Variants in RAB38 observed in about 807,000 individuals in gnomAD.
The protein encoded by RAB38 is RAB38, member RAS oncogene family, also known as ras-related protein Rab-38.
RAB38 carries 15 observed loss-of-function variants against 18.4 expected under a neutral mutation model. That is an observed-to-expected ratio of 0.82 (90% CI 0.55 to 1.26). RAB38 has a LOEUF of 1.26. RAB38 is among the 50% of genes most tolerant of loss of function. RAB38 has a pLI of 0.00. For missense variants in RAB38, 294 were observed against 267.4 expected (o/e 1.10, Z -0.69); for synonymous variants, 101 against 104.4 (o/e 0.97, Z 0.20).
rs756730383 is a variant in RAB38 at position 88,149,725 on chromosome 11, G to T, written c.433C>A (p.Gln145Lys). 6.2e-7 allele frequency: 1 copy of T among 1,614,118 alleles called. No homozygotes were observed. The highest frequency in any genetic ancestry group is 1.3e-5 in the African/African-American group (1 of 75,032). ...VLMNNGLKMD[Q>K]FCKEHGFVGW... ...ACGAAACCGTGCTCCTTGCAGAACT[G>T]GTCCATCTTGAGGCCATTGTTCATG... The change falls in exon 2 of 3, where the codon CAG (glutamine) becomes AAG (lysine). Residue 145 changes from glutamine to lysine, a missense_variant. Transcript: ENST00000243662.
chr11:88,025,475 T>C, the RAB38 span, among the ~76,000 whole-genome samples: 1 of 152,220 alleles, frequency 6.6e-6, no homozygotes, highest in African/African-American at 2.4e-5. Flanking sequence ...CCACAGTGGC[T>C]GAACTCATTT....
At chr11:88,051,415 C>T in the RAB38 span, among the ~76,000 whole-genome samples, 2 of 151,846 alleles carry the variant, frequency 1.3e-5, no homozygotes, top group Non-Finnish European at 2.9e-5. Context: ...CACCTAGGTC[C>T]ACCATACTAG....
chr11:87,894,377 C>T, the RAB38 span, among the ~76,000 whole-genome samples: 1 of 151,530 alleles, frequency 6.6e-6, no homozygotes. Flanking sequence ...ACTATAGTAG[C>T]CTTTTTAAGG....
chr11:88,079,835 A>T, the RAB38 span, among the ~76,000 whole-genome samples: 1 of 151,768 alleles, frequency 6.6e-6, no homozygotes, highest in African/African-American at 2.4e-5. Context: ...CATTTGAAAG[A>T]ATTGAATTCT....
At chr11:88,168,502 A>C (rs1591180197) in intron 1 of RAB38, among the ~76,000 whole-genome samples, 2 of 152,116 alleles carry the variant, frequency 1.3e-5, no homozygotes. Flanking sequence ...TGACTAAATA[A>C]TTATTTTGAA....
chr11:87,845,933 T>G, the RAB38 span, among the ~76,000 whole-genome samples: 1 of 152,084 alleles, frequency 6.6e-6, no homozygotes, highest in Non-Finnish European at 1.5e-5. Context: ...AATGCAAATA[T>G]CCTTCAGTAT....
chr11:87,935,609 T>G, the RAB38 span, among the ~76,000 whole-genome samples: 2 of 152,166 alleles, frequency 1.3e-5, no homozygotes, highest in African/African-American at 4.8e-5. Context: ...AGGTCCAGTG[T>G]AGCCTTACTG....
chr11:88,053,035 A>AAT, the RAB38 span, among the ~76,000 whole-genome samples: 1 of 44,864 alleles, frequency 2.2e-5, no homozygotes, highest in East Asian at 4.3e-4. Flanking sequence ...GAATATATAT[A>AAT]ATATATACAT....
At chr11:88,070,357 C>T in the RAB38 span, among the ~76,000 whole-genome samples, 905 of 152,250 alleles carry the variant, frequency 5.9e-3, 10 homozygotes, top group African/African-American at 0.021. Context: ...ACTCTGAACA[C>T]GTTTGAACAT....
At chr11:88,130,838 T>A (rs1338824159) in intron 2 of RAB38, among the ~76,000 whole-genome samples, 1 of 152,200 alleles carries the variant, frequency 6.6e-6, no homozygotes, top group African/African-American at 2.4e-5. Flanking sequence ...CTTATCAAAT[T>A]TTTGTTAGAC....
chr11:88,118,248 G>C (rs941460280), intron 2 of RAB38, among the ~76,000 whole-genome samples: 1 of 152,244 alleles, frequency 6.6e-6, no homozygotes, highest in African/African-American at 2.4e-5. Flanking sequence ...AGGCTGATTT[G>C]TATTACTGGC....
At chr11:88,134,232 A>T (rs1942803851) in intron 2 of RAB38, among the ~76,000 whole-genome samples, 1 of 151,834 alleles carries the variant, frequency 6.6e-6, no homozygotes, top group African/African-American at 2.4e-5. Context: ...AAAACTGCCA[A>T]CTCTATTTAT....
the RAB38 span, among the ~76,000 whole-genome samples, chr11:87,939,058 G>A: frequency 6.6e-6 from 1 of 151,874 alleles, no homozygotes; most frequent in African/African-American, 2.4e-5. Context: ...TAGAGTATTT[G>A]GCATTGCTTT....
At chr11:87,853,555 C>CA in the RAB38 span, among the ~76,000 whole-genome samples, 1 of 152,172 alleles carries the variant, frequency 6.6e-6, no homozygotes, top group African/African-American at 2.4e-5. Flanking sequence ...TGTTATGGGA[C>CA]AGCCCAAGCT....
the RAB38 span, among the ~76,000 whole-genome samples, chr11:87,830,667 T>A: frequency 1.3e-5 from 2 of 152,166 alleles, no homozygotes; most frequent in Non-Finnish European, 2.9e-5. Context: ...TATTGTAATA[T>A]GATGTAGCAT....
the RAB38 span, among the ~76,000 whole-genome samples, chr11:87,866,186 G>A: frequency 1.3e-4 from 20 of 151,664 alleles, no homozygotes; most frequent in African/African-American, 3.9e-4. Flanking sequence ...TAGGGGATCA[G>A]GGTGGGAAGA....
chr11:88,154,938 C>T (rs1943107146), intron 1 of RAB38, among the ~76,000 whole-genome samples: 1 of 152,234 alleles, frequency 6.6e-6, no homozygotes, highest in African/African-American at 2.4e-5. Context: ...CCATCCCACC[C>T]CTCCTGTGCA....
At chr11:88,029,970 T>C in the RAB38 span, among the ~76,000 whole-genome samples, 1 of 152,248 alleles carries the variant, frequency 6.6e-6, no homozygotes, top group Middle Eastern at 3.4e-3. Flanking sequence ...ATTGACCACA[T>C]ACATGGAGGT....
the RAB38 span, among the ~76,000 whole-genome samples, chr11:87,897,537 CT>C: frequency 2.0e-5 from 3 of 151,334 alleles, no homozygotes; most frequent in South Asian, 6.2e-4. Context: ...TGTTGTTGTT[CT>C]TTTTTAATAA....
Sources: allele counts gnomAD v4.1 joint callset (sites outside exome capture counted in the v4.1 genomes callset), GRCh38; gene constraint gnomAD v4.1.1; transcripts MANE v1.5; gene names NCBI Gene and HGNC (gene_info 2026-07-23, HGNC 2026-07-21).